The following MAP2K5 variants were observed in gnomAD, a reference collection of about 807,000 sequenced individuals.
MAP2K5 encodes the protein mitogen-activated protein kinase kinase 5, also known as dual specificity mitogen-activated protein kinase kinase 5.
A neutral mutation model predicts 83.1 loss-of-function variants in MAP2K5; 49 were observed. That is an observed-to-expected ratio of 0.59 (90% CI 0.47 to 0.75). The LOEUF (loss-of-function observed/expected upper bound fraction) is 0.75. Among genes scored for constraint, MAP2K5 ranks in the 30% least tolerant of loss-of-function variants. The probability of loss-of-function intolerance (pLI) is 0.00; values close to 1 mark genes in which losing one functional copy is unlikely to be tolerated. For missense variants in MAP2K5, 457 were observed against 557.5 expected (o/e 0.82, Z 1.82); for synonymous variants, 202 against 191.8 (o/e 1.05, Z -0.44).
At chr15:67,584,612 T>C (rs1398343161) in intron 4 of MAP2K5, among the ~76,000 whole-genome samples, 1 of 152,028 alleles carries the variant, frequency 6.6e-6, no homozygotes, top group African/African-American at 2.4e-5. Flanking sequence ...TTTGAGTATA[T>C]TTGGAATATA....
chr15:67,799,164 G>A (rs1041423040), intron 21 of MAP2K5, among the ~76,000 whole-genome samples: 4 of 152,322 alleles, frequency 2.6e-5, no homozygotes, highest in Non-Finnish European at 5.9e-5. Context: ...GCGAGACTCC[G>A]TCTCAAAATA....
At chr15:67,740,693 C>T (rs2089471813) in intron 17 of MAP2K5, among the ~76,000 whole-genome samples, 2 of 152,038 alleles carry the variant, frequency 1.3e-5, no homozygotes, top group African/African-American at 4.8e-5. Flanking sequence ...ACTTCTCGGT[C>T]TTCTCTCATT....
In MAP2K5 at chr15:67,758,407, G is replaced by A. The variant is rs2089882469; in HGVS notation, c.1134+9806G>A. 6.6e-6 allele frequency among the ~76,000 whole-genome samples: 1 copy of A among 152,122 alleles called. No individual in the cohort carries two copies. The highest frequency in any genetic ancestry group is 6.5e-5 in the Admixed American group (1 of 15,276). ...AAAGAGAGGCATTTTCAAGGGATGAGATGATTAGCATTCTGTTCTTGGGAG... is the reference window on the plus strand; with the variant it reads ...AAAGAGAGGCATTTTCAAGGGATGAAATGATTAGCATTCTGTTCTTGGGAG... On this transcript the variant is annotated intron_variant, in intron 19 of 21. Transcript: ENST00000178640. This position sits in a 1 kb window ranked among gnomAD's most constrained non-coding sequence, Gnocchi z 4.7.
At position 67,719,759 on chromosome 15, in the gene MAP2K5, A is replaced by C. The variant is rs900969002; in HGVS notation, c.1045-8157A>C. ...CAACATCTCAGATTCCAGATAGGAA[A>C]ACTGCCCTCAGTGTTGCATTTTGAG... On this transcript the variant is annotated intron_variant, in intron 16 of 21. Transcript: ENST00000178640. The surrounding 1 kb of genome is among the most constrained non-coding windows in gnomAD (Gnocchi z 4.6). Among the ~76,000 whole-genome samples the C allele has an allele frequency of 6.6e-6, 1 of 152,220 alleles. No homozygotes were observed. Among genetic ancestry groups the C allele is most frequent in the Non-Finnish European group, 1.5e-5 (1 of 68,040 alleles).
intron 6 of MAP2K5, among the ~76,000 whole-genome samples, chr15:67,592,497 T>G (rs1177902826): frequency 6.6e-6 from 1 of 152,220 alleles, no homozygotes; most frequent in African/African-American, 2.4e-5. Context: ...TTATAACTTT[T>G]AACTGTGTAA....
At position 67,757,326 on chromosome 15, in the gene MAP2K5, C is replaced by A. The variant is rs2089859657; in HGVS notation, c.1134+8725C>A. The stretch of plus-strand genomic sequence containing the variant: ...AAGACATTTGCAAATCAGATTATGT[C>A]TTCCCATTGATTCAATAGTTGATGT... On this transcript the variant is annotated intron_variant, in intron 19 of 21. Coordinates refer to ENST00000178640, the MANE Select transcript of MAP2K5 (RefSeq NM_145160.3). This position sits in a 1 kb window ranked among gnomAD's most constrained non-coding sequence, Gnocchi z 4.9. Among the ~76,000 whole-genome samples, 1 of 152,138 alleles carries A rather than the reference C, an allele frequency of 6.6e-6. No individual in the cohort carries two copies. Among genetic ancestry groups the A allele is most frequent in the African/African-American group, 2.4e-5 (1 of 41,428 alleles).
At chr15:67,679,147 G>A (rs1056691531) in intron 13 of MAP2K5, among the ~76,000 whole-genome samples, 1 of 152,126 alleles carries the variant, frequency 6.6e-6, no homozygotes, top group Non-Finnish European at 1.5e-5. Flanking sequence ...TGATTGTGCT[G>A]GGGGCAGGGG....
chr15:67,547,107 C>CACACACACACACACAG (rs3223318), intron 1 of MAP2K5, among the ~76,000 whole-genome samples: 23 of 145,796 alleles, frequency 1.6e-4, no homozygotes, highest in Admixed American at 2.7e-4. Flanking sequence ...CACACACACA[C>CACACACACACACACAG]AGATTTCTGT....
Position 67,616,630 on chromosome 15 carries a change from A to G in MAP2K5, c.546-14258A>G, listed in dbSNP as rs548303287. Among the ~76,000 whole-genome samples the G allele has an allele frequency of 7.9e-4, 120 of 152,280 alleles. 3 individuals carry two copies. The South Asian group carries it at 0.024, about 31-fold the overall frequency. The stretch of plus-strand genomic sequence containing the variant: ...TCTGCAATGAGCTAATAACAAATAC[A>G]TTTGTAACTTTTATTTATTTTAAAA... On this transcript the variant is annotated intron_variant, in intron 8 of 21. Transcript: ENST00000178640.
intron 9 of MAP2K5, among the ~76,000 whole-genome samples, chr15:67,639,775 C>T (rs536735114): frequency 6.6e-6 from 1 of 152,184 alleles, no homozygotes; most frequent in Admixed American, 6.5e-5. Context: ...AACTCGTTGC[C>T]TTATCTGAAC....
chr15:67,772,320 A>G (rs2090157453), intron 20 of MAP2K5, among the ~76,000 whole-genome samples: 1 of 152,232 alleles, frequency 6.6e-6, no homozygotes, highest in South Asian at 2.1e-4. Context: ...TTACCAAAAA[A>G]AAAGGTATAT....
chr15:67,747,935 A>G lies in MAP2K5; in HGVS notation c.1075-296A>G, dbSNP rs945336743. On this transcript the variant is annotated intron_variant, in intron 17 of 21. Transcript: ENST00000178640. This position sits in a 1 kb window ranked among gnomAD's most constrained non-coding sequence, Gnocchi z 4.1. The stretch of plus-strand genomic sequence containing the variant: ...AGTGTTCACAATCTAGCAATATAAA[A>G]CATTATTTATATCTGAATCGTAAAC... 6.6e-6 allele frequency among the ~76,000 whole-genome samples: 1 copy of G among 152,238 alleles called. No homozygotes were observed. Among genetic ancestry groups the G allele is most frequent in the African/African-American group, 2.4e-5 (1 of 41,456 alleles).
chr15:67,700,297 C>T (rs1032791294), intron 15 of MAP2K5, among the ~76,000 whole-genome samples: 3 of 152,190 alleles, frequency 2.0e-5, no homozygotes, highest in Admixed American at 2.0e-4. Flanking sequence ...ATCATCACTA[C>T]TCTTTACTGT....
At chr15:67,784,882 C>T (rs1419093836) in intron 21 of MAP2K5, among the ~76,000 whole-genome samples, 1 of 152,162 alleles carries the variant, frequency 6.6e-6, no homozygotes, top group Non-Finnish European at 1.5e-5. Context: ...TTACTGAGCA[C>T]ATTCGTGTTT....
chr15:67,638,135 C>G lies in MAP2K5; in HGVS notation c.585+7208C>G, dbSNP rs1178712014. On this transcript the variant is annotated intron_variant, in intron 9 of 21. Transcript: ENST00000178640. This position sits in a 1 kb window ranked among gnomAD's most constrained non-coding sequence, Gnocchi z 4.5. ...GTTTGTTATATAAGTATACTTGTGC[C>G]ATGGGGGTTTGTTGTACAGATTATT... 6.6e-6 allele frequency among the ~76,000 whole-genome samples: 1 copy of G among 151,556 alleles called. No individual in the cohort carries two copies. Among genetic ancestry groups the G allele is most frequent in the East Asian group, 1.9e-4 (1 of 5,168 alleles).
Position 67,590,438 on chromosome 15 carries a change from C to T in MAP2K5, c.432-2488C>T, listed in dbSNP as rs11633668. On this transcript the variant is annotated intron_variant, in intron 6 of 21. Coordinates refer to ENST00000178640, the MANE Select transcript of MAP2K5 (RefSeq NM_145160.3). ...CTCTCCCTCCCTCCCTCTCTCTCTC[C>T]CTCCCTCCCTCTCTCTCTCTCTCTC... 5.8e-3 allele frequency among the ~76,000 whole-genome samples: 388 copies of T among 67,238 alleles called. 24 individuals are homozygous for T. Among genetic ancestry groups the T allele is most frequent in the East Asian group, 8.0e-3 (20 of 2,496 alleles). The allele number at this position is 67,238 out of a possible 152,430, so 44.1% of individuals were successfully genotyped here. A position where few individuals can be genotyped will look rare whatever the true frequency, so the allele number is the denominator to read the frequency against.
At chr15:67,667,800 G>A (rs67260432) in intron 13 of MAP2K5, among the ~76,000 whole-genome samples, 20,858 of 152,096 alleles carry the variant, frequency 0.14, 1,524 homozygotes, top group South Asian at 0.16. Context: ...CCAGATTTTA[G>A]CTATAGAAAG....
intron 7 of MAP2K5, among the ~76,000 whole-genome samples, chr15:67,600,148 G>A (rs556922005): frequency 6.6e-6 from 1 of 152,222 alleles, no homozygotes; most frequent in South Asian, 2.1e-4. Flanking sequence ...AATTATTGCT[G>A]TATACTAGTT....
At chr15:67,592,857 G>A (rs752500429) in intron 6 of MAP2K5, 69 bp from the exon 7 acceptor site, 2 of 1,029,918 alleles carry the variant, frequency 1.9e-6, no homozygotes, top group Non-Finnish European at 3.0e-6. Context: ...GTGTATTTCA[G>A]TCTGGAATTT....
Sources: gnomAD v4.1 joint callset for allele counts (sites outside exome capture counted in the v4.1 genomes callset) on GRCh38, gnomAD v4.1.1 for gene constraint, Gnocchi (gnomAD v3.1) non-coding constraint, MANE v1.5 for transcripts, NCBI Gene and HGNC (gene_info 2026-07-23, HGNC 2026-07-21) for gene names.